SAMHD1: variants seen among roughly 807,000 people sequenced by gnomAD.
SAMHD1 encodes the protein deoxynucleoside triphosphate triphosphohydrolase SAMHD1.
In SAMHD1, 54 loss-of-function variants were observed where a neutral mutation model predicts 79.6. That is an observed-to-expected ratio of 0.68 (90% CI 0.55 to 0.85). The LOEUF (loss-of-function observed/expected upper bound fraction) is 0.85, where lower values mean the gene tolerates loss of function less well. SAMHD1 is among the 40% of genes least tolerant of loss of function. SAMHD1 has a pLI of 0.00. For missense variants in SAMHD1, 663 were observed against 782.7 expected (o/e 0.85, Z 1.82); for synonymous variants, 260 against 264.1 (o/e 0.98, Z 0.15).
intron 6 of SAMHD1, among the ~76,000 whole-genome samples, chr20:36,922,879 G>A (rs1268576607): frequency 6.6e-6 from 1 of 151,904 alleles, no homozygotes; most frequent in Admixed American, 6.6e-5. Flanking sequence ...GAACTCCTGG[G>A]CTCAAGCGAT....
chr20:36,948,019 G>A (rs937447531), intron 1 of SAMHD1, among the ~76,000 whole-genome samples: 2 of 152,038 alleles, frequency 1.3e-5, no homozygotes, highest in Non-Finnish European at 2.9e-5. Flanking sequence ...GATCACATGA[G>A]TTCTAGAGTC....
Position 36,924,824 on chromosome 20 carries a change from T to A in SAMHD1, c.696+2358A>T, listed in dbSNP as rs555267199. 2.1e-4 allele frequency among the ~76,000 whole-genome samples: 32 copies of A among 152,110 alleles called. 1 individual carries two copies. The East Asian group carries it at 6.2e-3, about 29-fold the overall frequency. ...TATGGGAAGTTAATAAATGTTGGGG[T>A]TGGTATTACAGTCAGTGGGGATAGG... On this transcript the variant is annotated intron_variant, in intron 6 of 15. Transcript: ENST00000646673.
chr20:36,911,572 A>C (rs1430858844), intron 10 of SAMHD1: 6 of 470,788 alleles, frequency 1.3e-5, no homozygotes, highest in African/African-American at 9.8e-5. Context: ...TCCTCCCAAC[A>C]ATAAGGTAGG....
intron 1 of SAMHD1, among the ~76,000 whole-genome samples, chr20:36,949,187 C>T (rs982138564): frequency 6.6e-6 from 1 of 150,882 alleles, no homozygotes; most frequent in African/African-American, 2.4e-5. Flanking sequence ...CCACTTGAAC[C>T]CGAGAGGCAG....
intron 9 of SAMHD1, among the ~76,000 whole-genome samples, chr20:36,914,319 G>C (rs2063462698): frequency 6.6e-6 from 1 of 151,786 alleles, no homozygotes; most frequent in Admixed American, 6.6e-5. Context: ...TTAATGAATA[G>C]TAAATATACT....
chr20:36,938,525 G>C (rs755253556), intron 3 of SAMHD1, among the ~76,000 whole-genome samples: 60 of 151,648 alleles, frequency 4.0e-4, no homozygotes, highest in Non-Finnish European at 8.1e-4. Context: ...GGGCAACCGA[G>C]TGAAACTCCC....
At chr20:36,919,218 TA>T in intron 7 of SAMHD1, 145 bp downstream of exon 7, 1 of 734,216 alleles carries the variant, frequency 1.4e-6, no homozygotes, top group Non-Finnish European at 2.2e-6. Context: ...ATAAGCCTTT[TA>T]TTTTTTGCAT....
intron 15 of SAMHD1, among the ~76,000 whole-genome samples, chr20:36,897,389 C>T (rs1025349323): frequency 5.3e-5 from 8 of 152,200 alleles, no homozygotes; most frequent in Non-Finnish European, 8.8e-5. Context: ...CTTCCCTCTA[C>T]TCACATTCTA....
Position 36,951,681 on chromosome 20 carries a change from C to A in SAMHD1, c.-38G>T, listed in dbSNP as rs1172058805. 1 of 1,610,402 alleles carries A rather than the reference C, an allele frequency of 6.2e-7. No homozygotes were observed. ...CGTCCGGCACAGCAGTCAAGAACCT[C>A]GGCGCCGGACCCGCGCGCAGGCGCA... On this transcript the variant is annotated 5_prime_UTR_variant, in exon 1 of 16. Transcript: ENST00000646673.
chr20:36,946,825 A>G, intron 1 of SAMHD1, 21 bp from the exon 2 acceptor site: 1 of 1,571,996 alleles, frequency 6.4e-7, no homozygotes, highest in South Asian at 1.1e-5. Context: ...AAAAAGACAA[A>G]TTCAATGTAT....
At chr20:36,942,396 C>A (rs2063651977) in intron 2 of SAMHD1, among the ~76,000 whole-genome samples, 1 of 152,052 alleles carries the variant, frequency 6.6e-6, no homozygotes, top group African/African-American at 2.4e-5. Flanking sequence ...CCAGCCTGGG[C>A]AACAAGAGCA....
chr20:36,928,185 G>A (rs993612114), intron 5 of SAMHD1, among the ~76,000 whole-genome samples: 1 of 151,424 alleles, frequency 6.6e-6, no homozygotes, highest in African/African-American at 2.4e-5. Context: ...TCAGGAGTTC[G>A]AGACCAGCCC....
Position 36,905,422 on chromosome 20 carries a change from C to CGG in SAMHD1, c.1350_1351dup (p.Arg451ProfsTer17). ...CTCACCCACATACTTGAATAGATTA[C>CGG]GGTATTCAATTTGTTTTAAAATCTC... On this transcript the variant is annotated frameshift_variant, in exon 12 of 16. Coordinates refer to ENST00000646673, the MANE Select transcript of SAMHD1 (RefSeq NM_015474.4). LOFTEE classifies it high-confidence loss of function. The CGG allele has an allele frequency of 1.2e-6, 2 of 1,612,878 alleles. No homozygotes were observed. Among genetic ancestry groups the CGG allele is most frequent in the Non-Finnish European group, 1.7e-6 (2 of 1,178,986 alleles).
chr20:36,927,382 A>G (rs1601138451), intron 5 of SAMHD1, 130 bp from the exon 6 acceptor site: 1 of 743,786 alleles, frequency 1.3e-6, no homozygotes. Context: ...TAGTGGTACA[A>G]TCTTGGCTCA....
chr20:36,941,054 G>T lies in SAMHD1; in HGVS notation c.333C>A (p.His111Gln). ...LSYIQRLVQIHVDTMKVINDP... is the reference protein window; with the variant it reads ...LSYIQRLVQIQVDTMKVINDP... ...ATCCTCTTACCTTCATTGTATCAAC[G>T]TGGATTTGAACCAATCGCTGGATAT... Residue 111 changes from histidine (H) to glutamine (Q), a missense_variant, in exon 3 of 16, where the codon CAC (histidine) becomes CAA (glutamine). Coordinates refer to ENST00000646673, the MANE Select transcript of SAMHD1 (RefSeq NM_015474.4). The T allele has an allele frequency of 6.2e-7, 1 of 1,612,760 alleles. No homozygotes were observed. Among genetic ancestry groups the T allele is most frequent in the Non-Finnish European group, 8.5e-7 (1 of 1,179,066 alleles).
intron 14 of SAMHD1, among the ~76,000 whole-genome samples, 175 bp downstream of exon 14, chr20:36,898,265 T>C (rs1483281335): frequency 6.6e-6 from 1 of 152,148 alleles, no homozygotes; most frequent in African/African-American, 2.4e-5. Flanking sequence ...TCGTCTCAAG[T>C]GATCGTCCTG....
chr20:36,937,635 T>G (rs2063613000), intron 3 of SAMHD1, among the ~76,000 whole-genome samples: 1 of 152,208 alleles, frequency 6.6e-6, no homozygotes, highest in Non-Finnish European at 1.5e-5. Context: ...ATAAAGCATT[T>G]ATGTTTTAAG....
rs928054479 is a variant in SAMHD1 at position 36,898,808 on chromosome 20, A to C, written c.1504-264T>G. Reference sequence around the variant, plus strand: ...GCGCCTGTAACCCCAGTTACTCGGGAGACTGAGGCAGGAGAATTGTTTGAA... The same window carrying C: ...GCGCCTGTAACCCCAGTTACTCGGGCGACTGAGGCAGGAGAATTGTTTGAA... On this transcript the variant is annotated intron_variant, in intron 13 of 15. Transcript: ENST00000646673. Among the ~76,000 whole-genome samples the C allele has an allele frequency of 1.2e-4, 18 of 150,596 alleles. 1 individual carries two copies. Among genetic ancestry groups the C allele is most frequent in the Admixed American group, 1.0e-3 (15 of 15,004 alleles).
chr20:36,922,055 C>T (rs1264490256), intron 6 of SAMHD1, among the ~76,000 whole-genome samples: 1 of 152,132 alleles, frequency 6.6e-6, no homozygotes, highest in Non-Finnish European at 1.5e-5. Context: ...AAACATCACA[C>T]TGAAACTCAA....
Sources: gnomAD v4.1 joint callset for allele counts (sites outside exome capture counted in the v4.1 genomes callset) on GRCh38, gnomAD v4.1.1 for gene constraint, MANE v1.5 for transcripts, NCBI Gene and HGNC (gene_info 2026-07-23, HGNC 2026-07-21) for gene names.